The following TMEM132B variants were observed in gnomAD, a reference collection of about 807,000 sequenced individuals.
The protein encoded by TMEM132B is transmembrane protein 132B.
Under a neutral mutation model 90.8 loss-of-function variants are expected in TMEM132B, and 18 were observed. The ratio of observed to expected loss-of-function variants is 0.20; its 90% CI spans 0.14 to 0.29. The LOEUF (loss-of-function observed/expected upper bound fraction) is 0.29. Ranked by LOEUF, TMEM132B falls within the 10% of genes least tolerant of loss-of-function variation. TMEM132B has a pLI of 1.00. For missense variants in TMEM132B, 1,096 were observed against 1,326.8 expected (o/e 0.83, Z 2.70); for synonymous variants, 504 against 523.3 (o/e 0.96, Z 0.50).
intron 1 of TMEM132B, among the ~76,000 whole-genome samples, chr12:125,211,990 T>C (rs1873329366): frequency 6.6e-6 from 1 of 152,224 alleles, no homozygotes. Flanking sequence ...ATTTGTTGGT[T>C]TGAACAGGAT....
intron 4 of TMEM132B, among the ~76,000 whole-genome samples, chr12:125,556,145 G>A (rs772705336): frequency 1.4e-4 from 22 of 152,210 alleles, no homozygotes; most frequent in Non-Finnish European, 2.8e-4. Context: ...GTCTTACAGT[G>A]TTTTCCTGTA....
intron 2 of TMEM132B, among the ~76,000 whole-genome samples, chr12:125,393,204 AT>A (rs1879076284): frequency 6.6e-6 from 1 of 152,150 alleles, no homozygotes; most frequent in South Asian, 2.1e-4. Flanking sequence ...GACCTGCTGC[AT>A]TTTGGGTGTT....
At chr12:125,285,849 G>T (rs1490849871) in intron 1 of TMEM132B, among the ~76,000 whole-genome samples, 1 of 152,240 alleles carries the variant, frequency 6.6e-6, no homozygotes, top group African/African-American at 2.4e-5. Context: ...TGGGGAGGTA[G>T]AGGAGAACCT....
At chr12:125,345,061 A>G in intron 1 of TMEM132B, among the ~76,000 whole-genome samples, 2 of 152,238 alleles carry the variant, frequency 1.3e-5, no homozygotes, top group South Asian at 4.2e-4. Flanking sequence ...GGTGGTAGTG[A>G]ATTGTATCAG....
intron 3 of TMEM132B, among the ~76,000 whole-genome samples, chr12:125,443,426 A>G (rs1214919772): frequency 6.6e-6 from 1 of 152,100 alleles, no homozygotes; most frequent in Non-Finnish European, 1.5e-5. Context: ...AGAGTCAGAA[A>G]ACTTCATGAA....
Position 125,524,455 on chromosome 12 carries a change from T to C in TMEM132B, c.1293+4830T>C, listed in dbSNP as rs568984293. ...GTGAGGGCTATTGGGTCAACCTGCC[T>C]AGTTTGAAATTTGAACTCCAGTTAC... On this transcript the variant is annotated intron_variant, in intron 4 of 8. Coordinates refer to ENST00000682704, the MANE Select transcript of TMEM132B (RefSeq NM_001366854.1). Among the ~76,000 whole-genome samples, 47 of 152,356 alleles carry C rather than the reference T, an allele frequency of 3.1e-4. 1 individual carries two copies. The highest frequency in any genetic ancestry group is 1.1e-3 in the African/African-American group (46 of 41,592).
chr12:125,539,520 T>C (rs1283369262), intron 4 of TMEM132B, among the ~76,000 whole-genome samples: 1 of 152,238 alleles, frequency 6.6e-6, no homozygotes, highest in East Asian at 1.9e-4. Flanking sequence ...TGGTTACACA[T>C]GTGTTTGGCA....
At chr12:125,373,584 ACTTCGT>A (rs1183004233) in intron 2 of TMEM132B, among the ~76,000 whole-genome samples, 28 of 152,086 alleles carry the variant, frequency 1.8e-4, no homozygotes, top group Non-Finnish European at 3.1e-4. Context: ...AGTCTACGGT[ACTTCGT>A]ATGGCAGCCC....
intron 5 of TMEM132B, among the ~76,000 whole-genome samples, chr12:125,590,259 A>G (rs948325864): frequency 6.6e-6 from 1 of 152,180 alleles, no homozygotes; most frequent in Non-Finnish European, 1.5e-5. Flanking sequence ...CACAACGTCC[A>G]CATTCATATC....
intron 3 of TMEM132B, among the ~76,000 whole-genome samples, chr12:125,494,466 T>A (rs1592954327): frequency 2.2e-5 from 2 of 89,252 alleles, no homozygotes; most frequent in Non-Finnish European, 2.1e-5. Context: ...TCCCCAAAAA[T>A]GGATGCGTCC....
chr12:125,640,316 T>C (rs1177914213), intron 5 of TMEM132B, among the ~76,000 whole-genome samples: 1 of 152,056 alleles, frequency 6.6e-6, no homozygotes, highest in African/African-American at 2.4e-5. Flanking sequence ...CTTATTAGTA[T>C]TAGAAAAGAG....
At position 125,650,746 on chromosome 12, in the gene TMEM132B, G is replaced by A. The variant is rs375749871; in HGVS notation, c.1707G>A (p.Gln569=). The A allele has an allele frequency of 2.5e-6, 4 of 1,614,218 alleles. No homozygotes were observed. Among genetic ancestry groups the A allele is most frequent in the Non-Finnish European group, 3.4e-6 (4 of 1,180,028 alleles). ...EEKKGRGCSL[Q]YQHATVRVLT... is the part of the protein sequence containing the mutation. Reference sequence around the variant, plus strand: ...AGAAGGGACGAGGCTGCTCCCTGCAGTACCAGCACGCCACAGTGCGTGTCC... The same window carrying A: ...AGAAGGGACGAGGCTGCTCCCTGCAATACCAGCACGCCACAGTGCGTGTCC... Residue 569 remains glutamine, a synonymous_variant, in exon 7 of 9, where the codon CAG becomes CAA. Transcript: ENST00000682704.
intron 3 of TMEM132B, among the ~76,000 whole-genome samples, chr12:125,453,696 G>A (rs1237462075): frequency 6.6e-6 from 1 of 152,196 alleles, no homozygotes; most frequent in Admixed American, 6.5e-5. Context: ...GTAAAGGATA[G>A]GTGATCCAGT....
intron 3 of TMEM132B, among the ~76,000 whole-genome samples, chr12:125,420,340 C>T (rs1008038410): frequency 2.6e-5 from 4 of 152,244 alleles, no homozygotes; most frequent in African/African-American, 9.6e-5. Context: ...GGCAGAGGTT[C>T]ACAGACCTCA....
intron 1 of TMEM132B, among the ~76,000 whole-genome samples, chr12:125,196,454 TC>T (rs1319994182): frequency 6.6e-6 from 1 of 152,210 alleles, no homozygotes; most frequent in East Asian, 1.9e-4. Flanking sequence ...ATGCCTGTAA[TC>T]CCAGCACTTT....
chr12:125,481,252 C>G (rs1232541044), intron 3 of TMEM132B, among the ~76,000 whole-genome samples: 2 of 152,100 alleles, frequency 1.3e-5, no homozygotes, highest in South Asian at 4.2e-4. Flanking sequence ...GAAGTTCTGG[C>G]CAGGGCAATC....
chr12:125,342,511 A>G (rs1435958876), intron 1 of TMEM132B, among the ~76,000 whole-genome samples: 1 of 152,180 alleles, frequency 6.6e-6, no homozygotes, highest in Non-Finnish European at 1.5e-5. Context: ...ACTCTTAGTC[A>G]GGTGTTCCTT....
chr12:125,378,382 G>A (rs1878558161), intron 2 of TMEM132B, among the ~76,000 whole-genome samples: 1 of 152,180 alleles, frequency 6.6e-6, no homozygotes, highest in South Asian at 2.1e-4. Flanking sequence ...CAATGACAGT[G>A]CCTCAGTCAA....
At chr12:125,505,925 A>T (rs1882836336) in intron 3 of TMEM132B, among the ~76,000 whole-genome samples, 1 of 152,212 alleles carries the variant, frequency 6.6e-6, no homozygotes, top group Non-Finnish European at 1.5e-5. Flanking sequence ...AGGGACAGAA[A>T]ATATATTTGA....
Sources: gnomAD v4.1 joint callset for allele counts (sites outside exome capture counted in the v4.1 genomes callset) on GRCh38, gnomAD v4.1.1 for gene constraint, MANE v1.5 for transcripts, NCBI Gene and HGNC (gene_info 2026-07-23, HGNC 2026-07-21) for gene names.